VAV2: variants seen among roughly 807,000 people sequenced by gnomAD.
VAV2 encodes the protein vav guanine nucleotide exchange factor 2, also known as guanine nucleotide exchange factor VAV2.
A neutral mutation model predicts 132.5 loss-of-function variants in VAV2; 67 were observed. The ratio of observed to expected loss-of-function variants is 0.51; its 90% CI spans 0.42 to 0.62. The LOEUF is 0.62. Among genes scored for constraint, VAV2 ranks in the 20% least tolerant of loss-of-function variants. The probability of loss-of-function intolerance (pLI) is 0.00; values close to 1 mark genes in which losing one functional copy is unlikely to be tolerated. For missense variants in VAV2, 938 were observed against 1,153.6 expected, an observed-to-expected ratio of 0.81 and a Z score of 2.71; for synonymous variants, 492 against 443.5, an observed-to-expected ratio of 1.11 and a Z score of -1.37.
At chr9:133,779,458 G>A (rs905951243) in intron 21 of VAV2, among the ~76,000 whole-genome samples, 4 of 152,374 alleles carry the variant, frequency 2.6e-5, no homozygotes, top group Admixed American at 1.3e-4. Context: ...GTCCTCTGCC[G>A]ATGAGGGTGA....
At chr9:133,941,903 C>T (rs903669241) in intron 1 of VAV2, among the ~76,000 whole-genome samples, 2 of 152,136 alleles carry the variant, frequency 1.3e-5, no homozygotes, top group African/African-American at 2.4e-5. Context: ...CACGCCAGGC[C>T]GTGATTCCAC....
At chr9:133,854,605 C>T (rs1468959206) in intron 3 of VAV2, among the ~76,000 whole-genome samples, 1 of 152,204 alleles carries the variant, frequency 6.6e-6, no homozygotes, top group East Asian at 1.9e-4. Context: ...CTCGAGCCTA[C>T]CCTTCAGAGA....
chr9:133,786,092 C>T (rs1834210644), intron 16 of VAV2: 2 of 613,018 alleles, frequency 3.3e-6, no homozygotes, highest in Non-Finnish European at 6.1e-6. Context: ...TGTATGCATG[C>T]ATGTATAGCT....
chr9:133,986,451 T>C (rs1196110213), intron 1 of VAV2, among the ~76,000 whole-genome samples: 3 of 152,130 alleles, frequency 2.0e-5, no homozygotes, highest in Non-Finnish European at 4.4e-5. Context: ...ATGAAGGGCA[T>C]TTGCTGGGAC....
rs1415274404 is a variant in VAV2, at chr9:133,802,389, T to A, written c.836+3692A>T. Among the ~76,000 whole-genome samples the A allele has an allele frequency of 6.7e-6, 1 of 148,646 alleles. No homozygotes were observed. Among genetic ancestry groups the A allele is most frequent in the African/African-American group, 2.5e-5 (1 of 40,182 alleles). On this transcript the variant is annotated intron_variant, in intron 9 of 29. Transcript: ENST00000371850. The surrounding 1 kb of genome is among the most constrained non-coding windows in gnomAD (Gnocchi z 5.8). ...GCATTCCTGGTCTGGTTGGAGCACC[T>A]CCCAGGGGCAGCCTCCCCCTCCCCC...
intron 1 of VAV2, among the ~76,000 whole-genome samples, chr9:133,945,365 T>C (rs1841321542): frequency 6.6e-6 from 1 of 152,150 alleles, no homozygotes; most frequent in Non-Finnish European, 1.5e-5. Flanking sequence ...AACCAAGGCT[T>C]AGGAATGGGG....
intron 1 of VAV2, among the ~76,000 whole-genome samples, chr9:133,989,488 C>G (rs1842951072): frequency 6.6e-6 from 1 of 150,674 alleles, no homozygotes; most frequent in African/African-American, 2.4e-5. Flanking sequence ...CCACCGCACT[C>G]CAGCCTGGGC....
rs765160201 is a variant in VAV2, at chr9:133,787,231, G to A, written c.1422+15C>T. On this transcript the variant is annotated intron_variant, in intron 16 of 29. Transcript: ENST00000371850. ...GATTGAGGCAGGTGGGAGGACCTGG[G>A]CGCTAGGTGCTTACCATTTTCCCGT... The A allele has an allele frequency of 1.9e-6, 3 of 1,577,706 alleles. No homozygotes were observed. In the African/African-American group the frequency reaches 4.1e-5, roughly 21 times the overall value.
intron 2 of VAV2, among the ~76,000 whole-genome samples, chr9:133,915,914 A>G (rs1840068867): frequency 6.6e-6 from 1 of 152,002 alleles, no homozygotes; most frequent in Non-Finnish European, 1.5e-5. Context: ...ACACGTGCAC[A>G]CACAATGCAC....
Position 133,763,883 on chromosome 9 carries a change from G to T in VAV2, c.*179C>A. On this transcript the variant is annotated 3_prime_UTR_variant, in exon 30 of 30. Coordinates refer to ENST00000371850, the MANE Select transcript of VAV2 (RefSeq NM_001134398.2). The surrounding 1 kb of genome is among the most constrained non-coding windows in gnomAD (Gnocchi z 6.8). The stretch of plus-strand genomic sequence containing the variant: ...CATACCCAGTGATGGGTCGCCGAGG[G>T]CAGGCTGACAGTGAAACGGTTCGAG... The T allele has an allele frequency of 1.4e-6, 1 of 724,612 alleles. No individual in the cohort carries two copies. Among genetic ancestry groups the T allele is most frequent in the Non-Finnish European group, 2.3e-6 (1 of 434,776 alleles). 44.9% of individuals were successfully genotyped at this position (724,612 alleles called of 1,614,324 possible).
Position 133,834,178 on chromosome 9 carries a change from T to C in VAV2, c.449+94A>G. The C allele has an allele frequency of 7.0e-7, 1 of 1,422,394 alleles. No individual in the cohort carries two copies. Among genetic ancestry groups the C allele is most frequent in the South Asian group, 1.3e-5 (1 of 76,754 alleles). The allele number at this position is 1,422,394 out of a possible 1,614,324, so 88.1% of individuals were successfully genotyped here. On this transcript the variant is annotated intron_variant, in intron 4 of 29. Coordinates refer to ENST00000371850, the MANE Select transcript of VAV2 (RefSeq NM_001134398.2). The surrounding 1 kb of genome is among the most constrained non-coding windows in gnomAD (Gnocchi z 5.9). ...GCCAGGGCCAGCTCTGCCTGCACTGTGGCCGCCATGTTTCCTCCTGACTCC... is the reference window on the plus strand; with the variant it reads ...GCCAGGGCCAGCTCTGCCTGCACTGCGGCCGCCATGTTTCCTCCTGACTCC...
chr9:133,921,694 C>T (rs983930976), intron 2 of VAV2, among the ~76,000 whole-genome samples: 1 of 152,228 alleles, frequency 6.6e-6, no homozygotes, highest in African/African-American at 2.4e-5. Context: ...AGCCCAGATA[C>T]GGCCCAGGCC....
intron 9 of VAV2, among the ~76,000 whole-genome samples, chr9:133,805,725 C>A (rs1835110514): frequency 6.6e-6 from 1 of 152,242 alleles, no homozygotes; most frequent in African/African-American, 2.4e-5. Flanking sequence ...TGTCCACATC[C>A]TAACTTTAAA....
chr9:133,810,653 C>T (rs1321272828), intron 5 of VAV2, among the ~76,000 whole-genome samples: 8 of 152,190 alleles, frequency 5.3e-5, no homozygotes, highest in Admixed American at 2.0e-4. Context: ...CTGTGCAGAG[C>T]GGGACATAGG....
chr9:133,837,764 G>C (rs767166128), intron 3 of VAV2, among the ~76,000 whole-genome samples: 1 of 150,810 alleles, frequency 6.6e-6, no homozygotes, highest in Non-Finnish European at 1.5e-5. Context: ...TATGATTGTC[G>C]TAATTTTCCC....
At chr9:133,818,491 G>T (rs1835657881) in intron 4 of VAV2, among the ~76,000 whole-genome samples, 1 of 152,016 alleles carries the variant, frequency 6.6e-6, no homozygotes, top group African/African-American at 2.4e-5. Context: ...ACACACACCA[G>T]CACCTGCCCA....
intron 2 of VAV2, among the ~76,000 whole-genome samples, chr9:133,931,812 C>A (rs933349113): frequency 6.6e-6 from 1 of 152,162 alleles, no homozygotes; most frequent in Non-Finnish European, 1.5e-5. Context: ...CTGGACGGAT[C>A]CCAATGACAA....
rs530001226 is a variant in VAV2, at chr9:133,904,903, G to T, written c.321+34200C>A. Among the ~76,000 whole-genome samples, 788 of 152,342 alleles carry T rather than the reference G, an allele frequency of 5.2e-3. 1 individual carries two copies. Among genetic ancestry groups the T allele is most frequent in the Non-Finnish European group, 9.0e-3 (609 of 68,030 alleles). On this transcript the variant is annotated intron_variant, in intron 2 of 29. Coordinates refer to ENST00000371850, the MANE Select transcript of VAV2 (RefSeq NM_001134398.2). ...TTTTGGCCCTCGTCCACCATACAGG[G>T]CCACAGCACCAGCACTGCTGCACTG... is the stretch of plus-strand genomic sequence containing the variant.
chr9:133,831,422 G>C (rs1588238986), intron 4 of VAV2, among the ~76,000 whole-genome samples: 1 of 151,418 alleles, frequency 6.6e-6, no homozygotes, highest in Non-Finnish European at 1.5e-5. Context: ...GGTGACAAGA[G>C]CAAAACTCCA....
Sources: allele counts gnomAD v4.1 joint callset (sites outside exome capture counted in the v4.1 genomes callset), GRCh38; gene constraint gnomAD v4.1.1; non-coding constraint Gnocchi (gnomAD v3.1); transcripts MANE v1.5; gene names NCBI Gene and HGNC (gene_info 2026-07-23, HGNC 2026-07-21).